The following HSD17B12 variants were observed in gnomAD, a reference collection of about 807,000 sequenced individuals.
The protein encoded by HSD17B12 is very-long-chain 3-oxoacyl-CoA reductase.
In HSD17B12, 32 loss-of-function variants were observed where a neutral mutation model predicts 39.3. That is an observed-to-expected ratio of 0.81 (90% CI 0.61 to 1.09). The LOEUF (loss-of-function observed/expected upper bound fraction) is 1.09, where lower values mean the gene tolerates loss of function less well. Among genes scored for constraint, HSD17B12 ranks in the 50% least tolerant of loss-of-function variants. The pLI, the probability that HSD17B12 is intolerant of heterozygous loss-of-function variation, is 0.00. For missense variants in HSD17B12, 342 were observed against 382.9 expected (o/e 0.89, Z 0.89); for synonymous variants, 150 against 146.7 (o/e 1.02, Z -0.16).
In HSD17B12 at chr11:43,840,052, C is replaced by T. The variant is rs779107401; in HGVS notation, c.672C>T (p.Gly224=). ...QCLHEEYRSK[G]VFVQSVLPYF... ...TCCATGAGGAGTATAGGAGCAAGGGCGTCTTTGTGCAGGTGAGTGGAGTTT... is the reference window on the plus strand; with the variant it reads ...TCCATGAGGAGTATAGGAGCAAGGGTGTCTTTGTGCAGGTGAGTGGAGTTT... Residue 224 remains glycine, a synonymous_variant, in exon 9 of 11, where the codon GGC becomes GGT. Transcript: ENST00000278353. 11 of 1,612,082 alleles carry T rather than the reference C, an allele frequency of 6.8e-6. No homozygotes were observed. Among genetic ancestry groups the T allele is most frequent in the South Asian group, 4.4e-5 (4 of 90,904 alleles).
intron 1 of HSD17B12, among the ~76,000 whole-genome samples, chr11:43,746,464 C>G (rs1693522631): frequency 6.6e-6 from 1 of 152,120 alleles, no homozygotes; most frequent in African/African-American, 2.4e-5. Flanking sequence ...ATATCAGTGT[C>G]TTTTACCTCC....
chr11:43,735,751 A>G (rs1276772846), intron 1 of HSD17B12, among the ~76,000 whole-genome samples: 1 of 152,196 alleles, frequency 6.6e-6, no homozygotes, highest in African/African-American at 2.4e-5. Context: ...AGACTCTGTC[A>G]TTTATAAAGA....
At chr11:43,609,521 A>G in the HSD17B12 span, among the ~76,000 whole-genome samples, 2 of 151,916 alleles carry the variant, frequency 1.3e-5, no homozygotes, top group East Asian at 3.9e-4. Flanking sequence ...GTGCGCCACC[A>G]TGCCAGGCTA....
At chr11:43,583,469 G>A in the HSD17B12 span, among the ~76,000 whole-genome samples, 2 of 152,216 alleles carry the variant, frequency 1.3e-5, no homozygotes, top group Non-Finnish European at 2.9e-5. Flanking sequence ...ATCGGGGCTG[G>A]GAGCTTGCGG....
In HSD17B12 at chr11:43,810,395, AT is replaced by A. The variant is rs1386432351; in HGVS notation, c.392-5041del. 5.4e-3 allele frequency among the ~76,000 whole-genome samples: 413 copies of A among 77,132 alleles called. 8 individuals carry two copies. The highest frequency in any genetic ancestry group is 0.021 in the African/African-American group (370 of 17,244). 50.6% of individuals were successfully genotyped at this position (77,132 alleles called of 152,430 possible). A position where few individuals can be genotyped will look rare whatever the true frequency, so the allele number is the denominator to read the frequency against. On this transcript the variant is annotated intron_variant, in intron 4 of 10. Coordinates refer to ENST00000278353, the MANE Select transcript of HSD17B12 (RefSeq NM_016142.3). ...TATATATATATATATATATATATAT[AT>A]ATATATAAAATTCAGAATTATTCCG...
the HSD17B12 span, among the ~76,000 whole-genome samples, chr11:43,585,621 A>G: frequency 5.9e-5 from 9 of 152,242 alleles, no homozygotes; most frequent in Non-Finnish European, 1.2e-4. Context: ...GGAATCGTCT[A>G]TAATTTCCAC....
At chr11:43,830,519 A>G (rs1195476877) in intron 6 of HSD17B12, 1 of 152,468 alleles carries the variant, frequency 6.6e-6, no homozygotes, top group Non-Finnish European at 1.5e-5. Context: ...CTCTTTGCCA[A>G]CCTACCACTT....
the HSD17B12 span, among the ~76,000 whole-genome samples, chr11:43,616,145 C>T: frequency 6.6e-6 from 1 of 152,182 alleles, no homozygotes; most frequent in Non-Finnish European, 1.5e-5. Flanking sequence ...TGGTGGCTCA[C>T]ACCTGTAATA....
At chr11:43,737,238 G>A (rs925016410) in intron 1 of HSD17B12, among the ~76,000 whole-genome samples, 3 of 152,206 alleles carry the variant, frequency 2.0e-5, no homozygotes, top group African/African-American at 7.2e-5. Flanking sequence ...TGCTTCCAGT[G>A]TTGCTCTAGT....
chr11:43,673,482 CTTTTCTTTTCTTT>C, the HSD17B12 span: 1 of 53,320 alleles, frequency 1.9e-5, no homozygotes, highest in African/African-American at 4.7e-5. Flanking sequence ...CTTTTCTTTT[CTTTTCTTTTCTTT>C]TTTTTTTTTT....
At chr11:43,627,765 C>A in the HSD17B12 span, among the ~76,000 whole-genome samples, 59 of 151,950 alleles carry the variant, frequency 3.9e-4, no homozygotes, top group African/African-American at 1.4e-3. Flanking sequence ...AATGCACTGG[C>A]AAAATTTTCT....
At chr11:43,678,985 G>T (rs1262697035), upstream of HSD17B12, among the ~76,000 whole-genome samples, 1 of 152,186 alleles carries the variant, frequency 6.6e-6, no homozygotes, top group African/African-American at 2.4e-5. Flanking sequence ...GTCATTGGTA[G>T]CTTGATGGGG....
At chr11:43,658,780 G>A in the HSD17B12 span, among the ~76,000 whole-genome samples, 4 of 152,174 alleles carry the variant, frequency 2.6e-5, no homozygotes, top group East Asian at 1.9e-4. Context: ...GTACCCGGCC[G>A]TGTGAGGTGT....
chr11:43,741,286 C>A (rs866836117), intron 1 of HSD17B12, among the ~76,000 whole-genome samples: 16 of 152,202 alleles, frequency 1.1e-4, no homozygotes, highest in Middle Eastern at 3.4e-3. Context: ...ATCAAGTAAT[C>A]AAGTTTTCTA....
chr11:43,720,402 T>G (rs1451632556), intron 1 of HSD17B12, among the ~76,000 whole-genome samples: 1 of 152,244 alleles, frequency 6.6e-6, no homozygotes, highest in Non-Finnish European at 1.5e-5. Context: ...TAAATATTAT[T>G]GCAGACAACA....
the HSD17B12 span, among the ~76,000 whole-genome samples, chr11:43,662,377 T>TGTG: frequency 4.7e-5 from 6 of 128,524 alleles, no homozygotes; most frequent in South Asian, 2.6e-4. Context: ...TTTATTTTAT[T>TGTG]TGTGTGTGTG....
At chr11:43,694,079 A>G (rs1419686825) in intron 1 of HSD17B12, among the ~76,000 whole-genome samples, 1 of 152,222 alleles carries the variant, frequency 6.6e-6, no homozygotes, top group East Asian at 1.9e-4. Flanking sequence ...GGCTGATTTA[A>G]TAAAATGTTA....
intron 6 of HSD17B12, 97 bp from the exon 7 acceptor site, chr11:43,830,879 A>G (rs916306734): frequency 3.2e-6 from 3 of 950,622 alleles, no homozygotes; most frequent in Non-Finnish European, 1.7e-6. Flanking sequence ...GAATGGTTTC[A>G]TGATTCCCTT....
At chr11:43,815,390 T>A (rs368809178) in intron 4 of HSD17B12, 47 bp from the exon 5 acceptor site, 18 of 1,047,398 alleles carry the variant, frequency 1.7e-5, no homozygotes, top group South Asian at 1.4e-4. Flanking sequence ...TAACAAATCT[T>A]TAAAATATGC....
Sources: allele counts gnomAD v4.1 joint callset (sites outside exome capture counted in the v4.1 genomes callset), GRCh38; gene constraint gnomAD v4.1.1; transcripts MANE v1.5; gene names NCBI Gene and HGNC (gene_info 2026-07-23, HGNC 2026-07-21).